PSD3: variants seen among roughly 807,000 people sequenced by gnomAD.
The protein encoded by PSD3 is pleckstrin and Sec7 domain containing 3, also known as PH and SEC7 domain-containing protein 3.
Under a neutral mutation model 105.5 loss-of-function variants are expected in PSD3, and 49 were observed. The ratio of observed to expected loss-of-function variants is 0.46; its 90% CI spans 0.37 to 0.59. The LOEUF (loss-of-function observed/expected upper bound fraction) is 0.59. PSD3 is among the 20% of genes least tolerant of loss of function. The pLI, the probability that PSD3 is intolerant of heterozygous loss-of-function variation, is 0.00. For missense variants in PSD3, 1,561 were observed against 1,263.8 expected (o/e 1.24, Z -3.57); for synonymous variants, 557 against 457.8 (o/e 1.22, Z -2.77).
chr8:18,544,171 C>CAAAAAAAA lies in PSD3; in HGVS notation c.2929-8221_2929-8214dup, dbSNP rs201016537. Among the ~76,000 whole-genome samples the CAAAAAAAA allele has an allele frequency of 1.2e-3, 132 of 106,568 alleles. 4 individuals are homozygous for CAAAAAAAA. Among genetic ancestry groups the CAAAAAAAA allele is most frequent in the East Asian group, 6.4e-3 (22 of 3,426 alleles). 69.9% of individuals were successfully genotyped at this position (106,568 alleles called of 152,430 possible). A position where few individuals can be genotyped will look rare whatever the true frequency, so the allele number is the denominator to read the frequency against. On this transcript the variant is annotated intron_variant, in intron 15 of 15. Transcript: ENST00000327040. ...TACAATGGAAAACAAAGAAACAAAC[C>CAAAAAAAA]AAAAAAAAAAAAAAAAAAAAAAAAA...
chr8:18,970,306 C>G (rs1172338656), intron 1 of PSD3, among the ~76,000 whole-genome samples: 1 of 101,250 alleles, frequency 9.9e-6, no homozygotes, highest in Admixed American at 1.7e-4. Flanking sequence ...GCCTGGGCGA[C>G]AGAGCAAGAC....
intron 12 of PSD3, among the ~76,000 whole-genome samples, chr8:18,599,049 T>A (rs1804242467): frequency 6.6e-6 from 1 of 151,492 alleles, no homozygotes; most frequent in South Asian, 2.1e-4. Flanking sequence ...GAAAAAAAAA[T>A]TCCAAAATTT....
Position 18,799,212 on chromosome 8 carries a change from G to C in PSD3, c.2082+83C>G, listed in dbSNP as rs537846458. The C allele has an allele frequency of 4.8e-4, 583 of 1,217,570 alleles. 9 individuals carry two copies. In the South Asian group the frequency reaches 6.7e-3, roughly 14 times the overall value. The allele number at this position is 1,217,570 out of a possible 1,614,324, so 75.4% of individuals were successfully genotyped here. A position where few individuals can be genotyped will look rare whatever the true frequency, so the allele number is the denominator to read the frequency against. ...CCATGTAGAGAATGGGAAACGGGGA[G>C]GCAGAAAATAAATGTGTTTGAACAT... On this transcript the variant is annotated intron_variant, in intron 8 of 15. Coordinates refer to ENST00000327040, the MANE Select transcript of PSD3 (RefSeq NM_015310.4).
rs139795015 is a variant in PSD3 at position 18,751,096 on chromosome 8, G to A, written c.2172+14353C>T. On this transcript the variant is annotated intron_variant, in intron 9 of 15. Coordinates refer to ENST00000327040, the MANE Select transcript of PSD3 (RefSeq NM_015310.4). The stretch of plus-strand genomic sequence containing the variant: ...ACCTGGGCGCCGTGCAGCAGGGGGC[G>A]GTGCTCTTCGGGGAGGCTCCGGCCG... Among the ~76,000 whole-genome samples, 1,202 of 152,194 alleles carry A rather than the reference G, an allele frequency of 7.9e-3. 19 individuals carry two copies. The highest frequency in any genetic ancestry group is 0.024 in the Middle Eastern group (7 of 294).
intron 4 of PSD3, among the ~76,000 whole-genome samples, chr8:18,824,269 T>C (rs1251964755): frequency 1.3e-5 from 2 of 152,218 alleles, no homozygotes; most frequent in East Asian, 3.8e-4. Context: ...TAACCACATG[T>C]ATCTGTCTTC....
Position 18,744,407 on chromosome 8 carries a change from C to T in PSD3, c.2172+21042G>A, listed in dbSNP as rs1196782898. ...CCTTCTCTTCACTTTGCCATCCATA[C>T]CACTACTCATAACTCTACGTGGTCT... On this transcript the variant is annotated intron_variant, in intron 9 of 15. Coordinates refer to ENST00000327040, the MANE Select transcript of PSD3 (RefSeq NM_015310.4). 5.9e-5 allele frequency among the ~76,000 whole-genome samples: 9 copies of T among 152,308 alleles called. No homozygotes were observed. The East Asian group carries it at 1.7e-3, about 29-fold the overall frequency.
At chr8:18,906,210 A>G (rs1819839120) in intron 2 of PSD3, among the ~76,000 whole-genome samples, 1 of 152,124 alleles carries the variant, frequency 6.6e-6, no homozygotes, top group African/African-American at 2.4e-5. Flanking sequence ...ATTTATACGA[A>G]TTTTTCATCA....
intron 9 of PSD3, among the ~76,000 whole-genome samples, chr8:18,727,303 C>T (rs960113491): frequency 7.2e-6 from 1 of 138,834 alleles, no homozygotes; most frequent in African/African-American, 2.7e-5. Context: ...CACTACTGCA[C>T]TCCAGCCCAG....
intron 8 of PSD3, among the ~76,000 whole-genome samples, chr8:18,793,388 C>A (rs77218331): frequency 0.074 from 8,246 of 111,158 alleles, 539 homozygotes; most frequent in African/African-American, 0.2. Context: ...AAAAACAAAA[C>A]AAAACTGGGT....
At chr8:18,812,885 C>T (rs1433210256) in intron 4 of PSD3, among the ~76,000 whole-genome samples, 3 of 152,042 alleles carry the variant, frequency 2.0e-5, no homozygotes, top group African/African-American at 4.8e-5. Context: ...TTTGAGTTAC[C>T]CCTCTAACAC....
In PSD3 at chr8:18,533,446, T is replaced by C. The variant is rs533093335; in HGVS notation, c.*2297A>G. 1.3e-5 allele frequency: 2 copies of C among 152,220 alleles called. No individual in the cohort carries two copies. The highest frequency in any genetic ancestry group is 6.5e-5 in the Admixed American group (1 of 15,286). 9.4% of individuals were successfully genotyped at this position (152,220 alleles called of 1,614,324 possible). A position where few individuals can be genotyped will look rare whatever the true frequency, so the allele number is the denominator to read the frequency against. ...TATCCAGAAGTCCCTGGAGTTAATATTAGTGACTCATATGACACGGACAGT... is the reference window on the plus strand; with the variant it reads ...TATCCAGAAGTCCCTGGAGTTAATACTAGTGACTCATATGACACGGACAGT... On this transcript the variant is annotated 3_prime_UTR_variant, in exon 16 of 16. Transcript: ENST00000327040.
intron 1 of PSD3, among the ~76,000 whole-genome samples, chr8:18,954,410 T>C (rs1257919924): frequency 6.6e-6 from 1 of 152,076 alleles, no homozygotes; most frequent in Non-Finnish European, 1.5e-5. Flanking sequence ...ATGGAAAAAG[T>C]ATATCAGTTG....
At chr8:18,803,523 T>A (rs1336996809) in intron 6 of PSD3, among the ~76,000 whole-genome samples, 1 of 151,500 alleles carries the variant, frequency 6.6e-6, no homozygotes, top group Non-Finnish European at 1.5e-5. Flanking sequence ...TTAATCACAA[T>A]AGCAAAAGCA....
intron 8 of PSD3, among the ~76,000 whole-genome samples, chr8:18,796,139 C>G (rs1223288163): frequency 1.3e-5 from 2 of 150,480 alleles, no homozygotes; most frequent in African/African-American, 4.8e-5. Context: ...ATATCAGTCA[C>G]ATTTTTTTAA....
intron 1 of PSD3, among the ~76,000 whole-genome samples, chr8:18,939,246 G>C (rs1019508862): frequency 6.6e-6 from 1 of 152,154 alleles, no homozygotes; most frequent in Non-Finnish European, 1.5e-5. Context: ...GAGAATTCTG[G>C]AAGTTCATGA....
chr8:18,622,519 T>C (rs939748976), intron 11 of PSD3, among the ~76,000 whole-genome samples: 31 of 152,200 alleles, frequency 2.0e-4, no homozygotes, highest in African/African-American at 6.8e-4. Flanking sequence ...TGTATCTGTA[T>C]TGATTACCTC....
In PSD3 at chr8:18,643,770, C is replaced by T. The variant is rs118034059; in HGVS notation, c.2217-10964G>A. On this transcript the variant is annotated intron_variant, in intron 10 of 15. Coordinates refer to ENST00000327040, the MANE Select transcript of PSD3 (RefSeq NM_015310.4). ...ATCCTATGACTTCACTGGGCTTAGA[C>T]GACCCAGCAGCTGTCATGGAATATC... 3.4e-3 allele frequency among the ~76,000 whole-genome samples: 522 copies of T among 152,334 alleles called. 6 individuals carry two copies. The highest frequency in any genetic ancestry group is 2.5e-3 in the Non-Finnish European group (172 of 68,040).
At chr8:18,547,552 G>T (rs940197213) in intron 15 of PSD3, among the ~76,000 whole-genome samples, 3 of 152,116 alleles carry the variant, frequency 2.0e-5, no homozygotes, top group Admixed American at 1.3e-4. Flanking sequence ...GCCTTCCTGG[G>T]CTTCTGAACA....
chr8:18,974,205 T>C (rs1191160051), intron 1 of PSD3, among the ~76,000 whole-genome samples: 2 of 152,230 alleles, frequency 1.3e-5, no homozygotes, highest in African/African-American at 2.4e-5. Flanking sequence ...GGCATTATTA[T>C]GCCCATGTTA....
Sources: gnomAD v4.1 joint callset for allele counts (sites outside exome capture counted in the v4.1 genomes callset) on GRCh38, gnomAD v4.1.1 for gene constraint, MANE v1.5 for transcripts, NCBI Gene and HGNC (gene_info 2026-07-23, HGNC 2026-07-21) for gene names.